Variants in PPM1H observed in about 807,000 individuals in gnomAD.
PPM1H encodes protein phosphatase, Mg2+/Mn2+ dependent 1H.
In PPM1H, 27 loss-of-function variants were observed where a neutral mutation model predicts 54.9. The observed-to-expected ratio is 0.49, with a 90% confidence interval of 0.36 to 0.68. PPM1H has a LOEUF of 0.68. Ranked by LOEUF, PPM1H falls within the 30% of genes least tolerant of loss-of-function variation. The probability of loss-of-function intolerance (pLI) is 0.00; values close to 1 mark genes in which losing one functional copy is unlikely to be tolerated. For synonymous variants in PPM1H, 305 were observed against 270.8 expected, an observed-to-expected ratio of 1.13 and a Z score of -1.24; for missense variants, 596 against 667.8, an observed-to-expected ratio of 0.89 and a Z score of 1.19.
At chr12:62,754,813 G>T (rs745550543) in intron 4 of PPM1H, among the ~76,000 whole-genome samples, 2 of 152,220 alleles carry the variant, frequency 1.3e-5, no homozygotes, top group Non-Finnish European at 2.9e-5. Flanking sequence ...GTTAGCACAA[G>T]TAAAAATAAA....
chr12:62,733,143 T>G (rs1403667568), intron 5 of PPM1H, among the ~76,000 whole-genome samples: 1 of 152,168 alleles, frequency 6.6e-6, no homozygotes, highest in Non-Finnish European at 1.5e-5. Context: ...GAAAGGAGAT[T>G]CAGAGACAGA....
At chr12:62,932,010 G>C (rs1032729953) in intron 1 of PPM1H, among the ~76,000 whole-genome samples, 1 of 151,516 alleles carries the variant, frequency 6.6e-6, no homozygotes, top group Non-Finnish European at 1.5e-5. Context: ...AAGTCTGAAA[G>C]CCAAATATCA....
At chr12:62,720,332 T>C in intron 5 of PPM1H, 43 bp from the exon 6 acceptor site, 1 of 1,409,490 alleles carries the variant, frequency 7.1e-7, no homozygotes, top group Non-Finnish European at 9.9e-7. Flanking sequence ...CATACACGTA[T>C]TTAGAGAAAC....
At chr12:62,706,362 G>A (rs1221923455) in intron 6 of PPM1H, among the ~76,000 whole-genome samples, 6 of 152,116 alleles carry the variant, frequency 3.9e-5, no homozygotes, top group Admixed American at 6.5e-5. Context: ...AACAGCTGTC[G>A]ATATTTACCA....
intron 7 of PPM1H, among the ~76,000 whole-genome samples, chr12:62,691,829 T>C (rs1023640691): frequency 8.1e-6 from 1 of 123,768 alleles, no homozygotes; most frequent in Non-Finnish European, 1.7e-5. Flanking sequence ...AAAAAAAAAG[T>C]GATGCAAAGC....
At chr12:62,905,598 TTAAA>T (rs1871281148) in intron 1 of PPM1H, among the ~76,000 whole-genome samples, 1 of 152,174 alleles carries the variant, frequency 6.6e-6, no homozygotes, top group African/African-American at 2.4e-5. Flanking sequence ...GTTTCTTCTA[TTAAA>T]TATTTATCCG....
chr12:62,855,932 G>A (rs991414323), intron 1 of PPM1H, among the ~76,000 whole-genome samples: 4 of 152,182 alleles, frequency 2.6e-5, no homozygotes, highest in African/African-American at 4.8e-5. Context: ...TGTTATGTGG[G>A]ATGAGACTGT....
At chr12:62,798,071 A>T (rs984533709) in intron 3 of PPM1H, among the ~76,000 whole-genome samples, 2 of 152,242 alleles carry the variant, frequency 1.3e-5, no homozygotes, top group African/African-American at 2.4e-5. Flanking sequence ...TATCTGAGAC[A>T]GGTCTCAATC....
intron 4 of PPM1H, among the ~76,000 whole-genome samples, chr12:62,743,897 T>C (rs539364310): frequency 1.3e-5 from 2 of 152,324 alleles, no homozygotes; most frequent in South Asian, 4.1e-4. Flanking sequence ...TATATAGTTT[T>C]CATAGAGTAA....
At position 62,802,144 on chromosome 12, in the gene PPM1H, G is replaced by C; in HGVS notation, c.428C>G (p.Ser143Cys). The change falls in exon 3 of 10, where the codon TCC becomes TGC. Residue 143 changes from serine (S) to cysteine (C), a missense_variant. Coordinates refer to ENST00000228705, the MANE Select transcript of PPM1H (RefSeq NM_020700.2). ...LKENSESEGV[S>C]CHYWSLFDGH... ...GTCAAACAGCGACCAATAGTGGCAG[G>C]AAACACCCTCGGATTCCTGTGGGAG... 1 of 1,572,682 alleles carries C rather than the reference G, an allele frequency of 6.4e-7. No homozygotes were observed. Among genetic ancestry groups the C allele is most frequent in the Non-Finnish European group, 8.6e-7 (1 of 1,157,320 alleles).
chr12:62,663,350 T>C (rs975864838), intron 9 of PPM1H, among the ~76,000 whole-genome samples: 1 of 151,934 alleles, frequency 6.6e-6, no homozygotes, highest in Non-Finnish European at 1.5e-5. Flanking sequence ...AAAAAATTTA[T>C]AAAATATATA....
At position 62,644,625 on chromosome 12, in the gene PPM1H, A is replaced by AAGTC. The variant is rs1263121020; in HGVS notation, c.*3860_*3863dup. ...AAGCCACAGTGCTCACAGAAGAGGC[A>AAGTC]AGTCAGTCTGCTCGCGTAGCGTCCT... On this transcript the variant is annotated 3_prime_UTR_variant, in exon 10 of 10. Transcript: ENST00000228705. 6 of 152,230 alleles carry AAGTC rather than the reference A, an allele frequency of 3.9e-5. No individual in the cohort carries two copies. Among genetic ancestry groups the AAGTC allele is most frequent in the Admixed American group, 3.9e-4 (6 of 15,288 alleles). The allele number at this position is 152,230 out of a possible 1,614,324, so 9.4% of individuals were successfully genotyped here.
intron 5 of PPM1H, among the ~76,000 whole-genome samples, chr12:62,735,086 T>C (rs2076343496): frequency 6.6e-6 from 1 of 152,014 alleles, no homozygotes; most frequent in Admixed American, 6.6e-5. Flanking sequence ...GGATAGGATA[T>C]AATAGAGGCA....
intron 1 of PPM1H, among the ~76,000 whole-genome samples, chr12:62,905,552 C>T (rs1368260830): frequency 6.6e-6 from 1 of 152,120 alleles, no homozygotes; most frequent in Non-Finnish European, 1.5e-5. Context: ...ATCCATTCCA[C>T]TTTATTTTAA....
At chr12:62,726,568 C>T (rs892329064) in intron 5 of PPM1H, among the ~76,000 whole-genome samples, 15 of 152,080 alleles carry the variant, frequency 9.9e-5, no homozygotes, top group African/African-American at 3.6e-4. Context: ...TTAGGGAAAG[C>T]CAAAATCCTG....
intron 4 of PPM1H, among the ~76,000 whole-genome samples, chr12:62,759,357 G>A (rs189687520): frequency 1.5e-4 from 23 of 152,240 alleles, no homozygotes; most frequent in Middle Eastern, 3.4e-3. Flanking sequence ...TCGGGTAAGC[G>A]GTCTATTTTT....
rs1295419010 is a variant in PPM1H at position 62,745,197 on chromosome 12, A to G, written c.870-7611T>C. Among the ~76,000 whole-genome samples the G allele has an allele frequency of 3.9e-5, 6 of 152,054 alleles. No homozygotes were observed. In the South Asian group the frequency reaches 1.0e-3, roughly 26 times the overall value. ...GAGAGAAAGTTAATTTTTCTTTTTAAAAAATTTTATTATTTTTAATTTTTT... is the reference window on the plus strand; with the variant it reads ...GAGAGAAAGTTAATTTTTCTTTTTAGAAAATTTTATTATTTTTAATTTTTT... On this transcript the variant is annotated intron_variant, in intron 4 of 9. Coordinates refer to ENST00000228705, the MANE Select transcript of PPM1H (RefSeq NM_020700.2).
intron 1 of PPM1H, among the ~76,000 whole-genome samples, chr12:62,863,350 G>A (rs1869670496): frequency 6.6e-6 from 1 of 152,184 alleles, no homozygotes; most frequent in Non-Finnish European, 1.5e-5. Flanking sequence ...AAGTAAAAAT[G>A]ATTATAACTT....
intron 7 of PPM1H, among the ~76,000 whole-genome samples, chr12:62,692,932 GACACAC>G (rs71278272): frequency 1.6e-4 from 24 of 146,810 alleles, no homozygotes; most frequent in Admixed American, 5.4e-4. Context: ...CTTTTGCTCT[GACACAC>G]ACACACACAC....
Sources: allele counts gnomAD v4.1 joint callset (sites outside exome capture counted in the v4.1 genomes callset), GRCh38; gene constraint gnomAD v4.1.1; transcripts MANE v1.5; gene names NCBI Gene and HGNC (gene_info 2026-07-23, HGNC 2026-07-21).